Variants in BBS9 observed in about 807,000 individuals in gnomAD.
BBS9 encodes the protein protein PTHB1.
BBS9 carries 89 observed loss-of-function variants against 117.7 expected under a neutral mutation model. That is an observed-to-expected ratio of 0.76 (90% confidence interval 0.64 to 0.90). The LOEUF (loss-of-function observed/expected upper bound fraction) is 0.90, where lower values mean the gene tolerates loss of function less well. BBS9 is among the 40% of genes least tolerant of loss of function. The pLI is 0.00. For missense variants in BBS9, 982 were observed against 1,042.2 expected (o/e 0.94, Z 0.80); for synonymous variants, 379 against 370.9 (o/e 1.02, Z -0.25).
At chr7:33,413,521 C>G (rs1057295223) in intron 19 of BBS9, among the ~76,000 whole-genome samples, 1 of 152,156 alleles carries the variant, frequency 6.6e-6, no homozygotes, top group Non-Finnish European at 1.5e-5. Context: ...CTCACACTGT[C>G]TTCATTAGTA....
chr7:33,626,505 A>G (rs1299286524), intron 21 of BBS9, among the ~76,000 whole-genome samples: 1 of 152,240 alleles, frequency 6.6e-6, no homozygotes, highest in Non-Finnish European at 1.5e-5. Context: ...AAAAGGTAAC[A>G]GAAAGTTTGG....
chr7:33,202,648 A>G (rs1786088484), intron 5 of BBS9, among the ~76,000 whole-genome samples: 1 of 152,098 alleles, frequency 6.6e-6, no homozygotes, highest in Non-Finnish European at 1.5e-5. Flanking sequence ...GAGAGAAGGG[A>G]GAGGTGCTGT....
intron 5 of BBS9, among the ~76,000 whole-genome samples, chr7:33,252,382 C>A (rs1796350802): frequency 1.3e-5 from 2 of 152,166 alleles, no homozygotes; most frequent in South Asian, 2.1e-4. Context: ...TTTCTTCAGG[C>A]CTTACTTTTT....
intron 5 of BBS9, among the ~76,000 whole-genome samples, chr7:33,179,881 A>G (rs1469004132): frequency 2.0e-5 from 3 of 152,150 alleles, no homozygotes; most frequent in Non-Finnish European, 2.9e-5. Flanking sequence ...CTGAGTTCTC[A>G]ATTTCTCTTC....
intron 21 of BBS9, among the ~76,000 whole-genome samples, chr7:33,564,262 C>G (rs1167700256): frequency 2.0e-5 from 3 of 152,170 alleles, no homozygotes; most frequent in Admixed American, 2.0e-4. Flanking sequence ...TGTAACTCAC[C>G]TGTAATTCGT....
intron 19 of BBS9, among the ~76,000 whole-genome samples, chr7:33,409,148 T>C (rs751853479): frequency 1.3e-5 from 2 of 152,194 alleles, no homozygotes; most frequent in Non-Finnish European, 2.9e-5. Context: ...GTGCAGATGG[T>C]CTTTAGTTTA....
At chr7:33,160,380 C>G (rs1054348513) in intron 4 of BBS9, among the ~76,000 whole-genome samples, 2 of 152,134 alleles carry the variant, frequency 1.3e-5, no homozygotes, top group Admixed American at 6.5e-5. Flanking sequence ...AAATTTCTCA[C>G]CTGCATTGGG....
chr7:33,384,861 C>T (rs569058311), intron 18 of BBS9, among the ~76,000 whole-genome samples: 1 of 151,964 alleles, frequency 6.6e-6, no homozygotes, highest in Admixed American at 6.6e-5. Context: ...TGTATACAAT[C>T]GAATTATGAA....
chr7:33,550,359 T>G (rs775379302), intron 21 of BBS9, among the ~76,000 whole-genome samples: 29 of 152,218 alleles, frequency 1.9e-4, no homozygotes, highest in Non-Finnish European at 3.7e-4. Context: ...TCCAATCAAT[T>G]ACTCATGTGA....
At chr7:33,595,204 A>C (rs1199704098) in intron 21 of BBS9, among the ~76,000 whole-genome samples, 1 of 152,200 alleles carries the variant, frequency 6.6e-6, no homozygotes, top group Non-Finnish European at 1.5e-5. Context: ...GGATTTAATT[A>C]AACTAAAGAG....
intron 6 of BBS9, among the ~76,000 whole-genome samples, chr7:33,260,722 T>G (rs1411383745): frequency 1.3e-5 from 2 of 152,240 alleles, no homozygotes; most frequent in Non-Finnish European, 2.9e-5. Flanking sequence ...AGTCAGCTAC[T>G]TCAGTCCATT....
chr7:33,140,855 A>G (rs1173431003), intron 1 of BBS9, among the ~76,000 whole-genome samples: 1 of 152,198 alleles, frequency 6.6e-6, no homozygotes, highest in Non-Finnish European at 1.5e-5. Flanking sequence ...AAATTTGTTT[A>G]CCTGTTAGAT....
At chr7:33,284,211 A>G (rs1344358227) in intron 9 of BBS9, among the ~76,000 whole-genome samples, 1 of 152,174 alleles carries the variant, frequency 6.6e-6, no homozygotes, top group Non-Finnish European at 1.5e-5. Context: ...GTGGTCCAGA[A>G]TTTAAGATAT....
At chr7:33,139,884 T>C (rs1791162184) in intron 1 of BBS9, among the ~76,000 whole-genome samples, 1 of 152,208 alleles carries the variant, frequency 6.6e-6, no homozygotes, top group African/African-American at 2.4e-5. Context: ...TCATCCTTTA[T>C]GGTGTATCAG....
intron 20 of BBS9, among the ~76,000 whole-genome samples, chr7:33,515,754 A>G (rs1056830453): frequency 1.3e-5 from 2 of 152,226 alleles, no homozygotes; most frequent in Non-Finnish European, 1.5e-5. Flanking sequence ...TCAGTAACAA[A>G]GCATAACACA....
At chr7:33,592,413 C>T (rs1862077838) in intron 21 of BBS9, among the ~76,000 whole-genome samples, 1 of 152,098 alleles carries the variant, frequency 6.6e-6, no homozygotes, top group Non-Finnish European at 1.5e-5. Flanking sequence ...TGTCCCCTTT[C>T]AGAGTGTCCC....
At chr7:33,251,673 G>A (rs979265076) in intron 5 of BBS9, among the ~76,000 whole-genome samples, 1 of 152,180 alleles carries the variant, frequency 6.6e-6, no homozygotes. Flanking sequence ...AAATAATAAT[G>A]TGTTTGGGTA....
chr7:33,388,629 C>T (rs1440179273), intron 19 of BBS9, among the ~76,000 whole-genome samples: 1 of 152,052 alleles, frequency 6.6e-6, no homozygotes, highest in Non-Finnish European at 1.5e-5. Flanking sequence ...AGTTCTAGTT[C>T]AAAATATATT....
chr7:33,356,623 C>T (rs1357527283), intron 15 of BBS9, among the ~76,000 whole-genome samples: 1 of 151,818 alleles, frequency 6.6e-6, no homozygotes, highest in Non-Finnish European at 1.5e-5. Flanking sequence ...TAATTGACCT[C>T]ATATATCAAT....
Sources: gnomAD v4.1 joint callset for allele counts (sites outside exome capture counted in the v4.1 genomes callset) on GRCh38, gnomAD v4.1.1 for gene constraint, MANE v1.5 for transcripts, NCBI Gene and HGNC (gene_info 2026-07-23, HGNC 2026-07-21) for gene names.